The following RAVER2 variants were observed in gnomAD, a reference collection of about 807,000 sequenced individuals.
RAVER2 encodes ribonucleoprotein PTB-binding 2.
RAVER2 carries 46 observed loss-of-function variants against 78.1 expected under a neutral mutation model. That is an observed-to-expected ratio of 0.59 (90% CI 0.46 to 0.75). The LOEUF (loss-of-function observed/expected upper bound fraction) is 0.75, where lower values mean the gene tolerates loss of function less well. Among genes scored for constraint, RAVER2 ranks in the 30% least tolerant of loss-of-function variants. The pLI is 0.00. For synonymous variants in RAVER2, 311 were observed against 313.3 expected (o/e 0.99, Z 0.08); for missense variants, 793 against 837.5 (o/e 0.95, Z 0.66).
chr1:64,812,952 G>T, intron 10 of RAVER2, 103 bp downstream of exon 10: 1 of 713,992 alleles, frequency 1.4e-6, no homozygotes, highest in South Asian at 3.1e-5. Context: ...AATACCTATT[G>T]ACCAAATTAA....
At chr1:64,812,749 G>T in exon 10 of RAVER2, 1 of 1,610,478 alleles carries the variant, frequency 6.2e-7, no homozygotes, top group Non-Finnish European at 8.5e-7. Context: ...CTGCCTCTAA[G>T]AATCAAACTT....
At chr1:64,822,775 A>G (rs927951546) in intron 11 of RAVER2, among the ~76,000 whole-genome samples, 2 of 152,226 alleles carry the variant, frequency 1.3e-5, no homozygotes, top group Non-Finnish European at 2.9e-5. Flanking sequence ...CCAAAAAGGA[A>G]AACAACCCAA....
At chr1:64,772,411 T>C (rs532491964) in intron 2 of RAVER2, among the ~76,000 whole-genome samples, 1 of 152,284 alleles carries the variant, frequency 6.6e-6, no homozygotes, top group East Asian at 1.9e-4. Flanking sequence ...ATTTATTTAT[T>C]CATTCATCTA....
intron 1 of RAVER2, among the ~76,000 whole-genome samples, chr1:64,755,886 C>G (rs1651844005): frequency 6.6e-6 from 1 of 151,960 alleles, no homozygotes; most frequent in African/African-American, 2.4e-5. Flanking sequence ...TCCCCCTGAA[C>G]TGTTGGAGAG....
At chr1:64,800,428 A>T (rs1006561503) in intron 5 of RAVER2, among the ~76,000 whole-genome samples, 3 of 152,102 alleles carry the variant, frequency 2.0e-5, no homozygotes, top group African/African-American at 4.8e-5. Context: ...TTAGTCTTAC[A>T]TTTAAGTTTT....
intron 1 of RAVER2, among the ~76,000 whole-genome samples, chr1:64,751,320 C>T (rs1651691701): frequency 6.6e-6 from 1 of 152,184 alleles, no homozygotes; most frequent in Non-Finnish European, 1.5e-5. Flanking sequence ...AAAGCTCCAG[C>T]TTTGTGCAGG....
intron 11 of RAVER2, 115 bp downstream of exon 11, chr1:64,814,955 A>G (rs1220810705): frequency 1.1e-6 from 1 of 915,990 alleles, no homozygotes; most frequent in Non-Finnish European, 1.5e-6. Flanking sequence ...ATCAAATTGC[A>G]CTGATCTATG....
rs4313429 is a variant in RAVER2, at chr1:64,745,910, T to G, written c.249+489T>G. 2.6e-5 allele frequency among the ~76,000 whole-genome samples: 4 copies of G among 152,190 alleles called. No individual in the cohort carries two copies. The highest frequency in any genetic ancestry group is 9.6e-5 in the African/African-American group (4 of 41,532). ...AGAGAGCTGGGAGTGAGTTTCGCTG[T>G]TGTTGCAGAAGCACTTGCCCAAGTT... On this transcript the variant is annotated intron_variant, in intron 1 of 11. Coordinates refer to ENST00000294428, the Ensembl canonical transcript of RAVER2. The surrounding 1 kb of genome is among the most constrained non-coding windows in gnomAD (Gnocchi z 4.3).
chr1:64,802,683 C>T (rs896116939), intron 5 of RAVER2, among the ~76,000 whole-genome samples: 9 of 152,038 alleles, frequency 5.9e-5, no homozygotes, highest in Non-Finnish European at 1.3e-4. Context: ...GAGTATTGTG[C>T]TTATTAAAGG....
At chr1:64,830,796 A>AGATTT (rs1654107961) in intron 11 of RAVER2, 43 bp from the exon 12 acceptor site, 5 of 1,513,320 alleles carry the variant, frequency 3.3e-6, no homozygotes, top group Non-Finnish European at 4.5e-6. Context: ...TGAATAAGCC[A>AGATTT]ACTTTAGATT....
At chr1:64,759,780 T>G (rs763896103) in intron 1 of RAVER2, among the ~76,000 whole-genome samples, 1 of 152,148 alleles carries the variant, frequency 6.6e-6, no homozygotes, top group Admixed American at 6.5e-5. Flanking sequence ...CCTCGCAAAG[T>G]GCAGGGATTA....
At chr1:64,807,404 C>T (rs1653471595) in exon 9 of RAVER2, 1 of 1,613,986 alleles carries the variant, frequency 6.2e-7, no homozygotes, top group African/African-American at 1.3e-5. Flanking sequence ...AACCTTGCTG[C>T]TGGAAGCTTG....
At chr1:64,770,898 A>AG (rs1352991666) in intron 2 of RAVER2, among the ~76,000 whole-genome samples, 7 of 152,042 alleles carry the variant, frequency 4.6e-5, no homozygotes, top group Admixed American at 4.6e-4. Context: ...AAACACAGAG[A>AG]GAAAAAAGAC....
At chr1:64,810,482 A>G (rs1428249408) in intron 9 of RAVER2, among the ~76,000 whole-genome samples, 3 of 151,540 alleles carry the variant, frequency 2.0e-5, no homozygotes, top group Non-Finnish European at 4.4e-5. Context: ...CACTAATCCC[A>G]CTCTTGAGGG....
At chr1:64,807,180 CT>C in intron 8 of RAVER2, 25 bp from the exon 9 acceptor site, 1 of 1,590,180 alleles carries the variant, frequency 6.3e-7, no homozygotes, top group Non-Finnish European at 8.6e-7. Context: ...TAACTAAAAG[CT>C]TTTTGCATTT....
chr1:64,814,907 A>G (rs1653718470), intron 11 of RAVER2, 67 bp downstream of exon 11: 1 of 1,309,326 alleles, frequency 7.6e-7, no homozygotes, highest in Non-Finnish European at 1.0e-6. Context: ...AGTTCACTGA[A>G]TATGAAATTG....
At chr1:64,747,251 A>G (rs924474528) in intron 1 of RAVER2, among the ~76,000 whole-genome samples, 1 of 152,096 alleles carries the variant, frequency 6.6e-6, no homozygotes, top group Admixed American at 6.5e-5. Flanking sequence ...TGTTTTAACA[A>G]TTTCCCTTAA....
intron 9 of RAVER2, among the ~76,000 whole-genome samples, chr1:64,811,266 A>G (rs983856791): frequency 1.3e-5 from 2 of 152,212 alleles, no homozygotes; most frequent in African/African-American, 4.8e-5. Context: ...TGTTGAGAGG[A>G]TCCACTTAAA....
rs554523408 is a variant in RAVER2 at position 64,780,896 on chromosome 1, A to T, written c.787-484A>T. On this transcript the variant is annotated intron_variant, in intron 3 of 11. Transcript: ENST00000294428. ...GGTTTGCCTGGGTATACTTGACTAA[A>T]TTCCTGGGATCTGCCTAAAATAGTG... Among the ~76,000 whole-genome samples, 17 of 152,354 alleles carry T rather than the reference A, an allele frequency of 1.1e-4. No homozygotes were observed. The East Asian group carries it at 3.3e-3, about 29-fold the overall frequency.
Sources: gnomAD v4.1 joint callset for allele counts (sites outside exome capture counted in the v4.1 genomes callset) on GRCh38, gnomAD v4.1.1 for gene constraint, Gnocchi (gnomAD v3.1) non-coding constraint, MANE v1.5 for transcripts, NCBI Gene and HGNC (gene_info 2026-07-23, HGNC 2026-07-21) for gene names.